DNAJC27: variants seen among roughly 807,000 people sequenced by gnomAD.
DNAJC27 encodes the protein DnaJ heat shock protein family (Hsp40) member C27.
A neutral mutation model predicts 31.4 loss-of-function variants in DNAJC27; 25 were observed. That is an observed-to-expected ratio of 0.80 (90% CI 0.58 to 1.11). The LOEUF is 1.11. DNAJC27 is among the 50% of genes most tolerant of loss of function. The pLI is 0.00. For missense variants in DNAJC27, 356 were observed against 347.3 expected, an observed-to-expected ratio of 1.02 and a Z score of -0.20; for synonymous variants, 106 against 112.7, an observed-to-expected ratio of 0.94 and a Z score of 0.37.
rs1020514553 is a variant in DNAJC27, at chr2:24,945,313, C to T, written c.*2303G>A. On this transcript the variant is annotated 3_prime_UTR_variant, in exon 7 of 7. Coordinates refer to ENST00000264711, the MANE Select transcript of DNAJC27 (RefSeq NM_016544.3). Reference sequence around the variant, plus strand: ...AATGAAGGTGTTGGAAACTGAGTCTCAAGACCTAAGAATCAAGCTCAGGCT... The same window carrying T: ...AATGAAGGTGTTGGAAACTGAGTCTTAAGACCTAAGAATCAAGCTCAGGCT... The T allele has an allele frequency of 7.9e-5, 12 of 152,210 alleles. No homozygotes were observed. Among genetic ancestry groups the T allele is most frequent in the African/African-American group, 2.4e-4 (10 of 41,448 alleles). The allele number at this position is 152,210 out of a possible 1,614,324, so 9.4% of individuals were successfully genotyped here.
At chr2:24,960,241 T>C (rs1171901387) in intron 3 of DNAJC27, among the ~76,000 whole-genome samples, 1 of 152,242 alleles carries the variant, frequency 6.6e-6, no homozygotes, top group Non-Finnish European at 1.5e-5. Flanking sequence ...GTTACTATTT[T>C]AAGTGTTTTG....
rs112695117 is a variant in DNAJC27, at chr2:24,959,820, A to G, written c.241-1846T>C. ...ATGTAATCTCTATGTCCCCTGGAGT[A>G]CCATACTGTTTTGTACTTTCATAGT... On this transcript the variant is annotated intron_variant, in intron 3 of 6. Coordinates refer to ENST00000264711, the MANE Select transcript of DNAJC27 (RefSeq NM_016544.3). 4.2e-3 allele frequency among the ~76,000 whole-genome samples: 633 copies of G among 152,342 alleles called. 9 individuals carry two copies. Among genetic ancestry groups the G allele is most frequent in the African/African-American group, 0.014 (586 of 41,572 alleles).
chr2:24,950,036 T>TC (rs1443539643), intron 6 of DNAJC27, among the ~76,000 whole-genome samples: 2 of 144,388 alleles, frequency 1.4e-5, no homozygotes, highest in Non-Finnish European at 3.0e-5. Flanking sequence ...ATAGGAAGAC[T>TC]CACATTTTCG....
At position 24,945,089 on chromosome 2, in the gene DNAJC27, A is replaced by T. The variant is rs142411584; in HGVS notation, c.*2527T>A. The T allele has an allele frequency of 2.2e-3, 335 of 152,334 alleles. No individual in the cohort carries two copies. The highest frequency in any genetic ancestry group is 7.6e-3 in the African/African-American group (316 of 41,564). The allele number at this position is 152,334 out of a possible 1,614,324, so 9.4% of individuals were successfully genotyped here. A position where few individuals can be genotyped will look rare whatever the true frequency, so the allele number is the denominator to read the frequency against. On this transcript the variant is annotated 3_prime_UTR_variant, in exon 7 of 7. Coordinates refer to ENST00000264711, the MANE Select transcript of DNAJC27 (RefSeq NM_016544.3). ...AGCACACATTTGCACCAAGAATTTAAATTAATGCATAGATGTCTGTGAAAT... is the reference window on the plus strand; with the variant it reads ...AGCACACATTTGCACCAAGAATTTATATTAATGCATAGATGTCTGTGAAAT...
chr2:24,971,959 C>T (rs1666356798), upstream of DNAJC27: 18 of 1,370,140 alleles, frequency 1.3e-5, no homozygotes, highest in South Asian at 2.1e-4. Context: ...CACCGCTGGC[C>T]CGTCCCTCAG....
At chr2:24,971,707 C>CG in intron 1 of DNAJC27, 111 bp downstream of exon 1, 2 of 929,340 alleles carry the variant, frequency 2.2e-6, no homozygotes, top group Admixed American at 2.8e-5. Context: ...CGGGCCTGCT[C>CG]GGGGGCGGAG....
At chr2:24,959,246 A>T (rs1306408813) in intron 3 of DNAJC27, among the ~76,000 whole-genome samples, 2 of 151,508 alleles carry the variant, frequency 1.3e-5, no homozygotes, top group African/African-American at 4.9e-5. Context: ...TCTTTCACCA[A>T]CTCCCCTTCT....
chr2:24,966,209 G>T (rs566327993), intron 2 of DNAJC27, among the ~76,000 whole-genome samples: 2 of 152,182 alleles, frequency 1.3e-5, no homozygotes, highest in African/African-American at 2.4e-5. Flanking sequence ...TGCTGAGGTA[G>T]AAAGTCTGAG....
At chr2:24,971,578 C>A in intron 1 of DNAJC27, 1 of 418,032 alleles carries the variant, frequency 2.4e-6, no homozygotes, top group Non-Finnish European at 4.4e-6. Flanking sequence ...ACATTCAAGG[C>A]TTAGAGGCCA....
chr2:24,965,177 G>A (rs958459183), intron 2 of DNAJC27, among the ~76,000 whole-genome samples: 7 of 151,644 alleles, frequency 4.6e-5, no homozygotes, highest in South Asian at 4.2e-4. Flanking sequence ...AGCCAAGATC[G>A]CGCCACTGCA....
At chr2:24,960,898 T>G (rs574940859) in intron 3 of DNAJC27, among the ~76,000 whole-genome samples, 1 of 152,272 alleles carries the variant, frequency 6.6e-6, no homozygotes, top group South Asian at 2.1e-4. Context: ...GATGTAGTGC[T>G]GCAAGTTATT....
chr2:24,951,123 G>A (rs1665764749), intron 6 of DNAJC27, among the ~76,000 whole-genome samples: 1 of 152,162 alleles, frequency 6.6e-6, no homozygotes. Flanking sequence ...TCTTTTCAAA[G>A]CTCTTCTTGT....
Position 24,947,581 on chromosome 2 carries a change from A to G in DNAJC27, c.*35T>C, listed in dbSNP as rs1377464285. The G allele has an allele frequency of 8.3e-6, 13 of 1,566,528 alleles. No individual in the cohort carries two copies. The highest frequency in any genetic ancestry group is 1.0e-5 in the Non-Finnish European group (12 of 1,146,444). Reference sequence around the variant, plus strand: ...TCACCTCTAGGGAAAGTCTGTTTGCATTTGAGTCCCACATGTGGCTTTTTT... The same window carrying G: ...TCACCTCTAGGGAAAGTCTGTTTGCGTTTGAGTCCCACATGTGGCTTTTTT... On this transcript the variant is annotated 3_prime_UTR_variant, in exon 7 of 7. Coordinates refer to ENST00000264711, the MANE Select transcript of DNAJC27 (RefSeq NM_016544.3).
rs1306171309 is a variant in DNAJC27 at position 24,947,049 on chromosome 2, T to A, written c.*567A>T. 6.6e-6 allele frequency: 1 copy of A among 152,302 alleles called. No homozygotes were observed. Among genetic ancestry groups the A allele is most frequent in the African/African-American group, 2.4e-5 (1 of 41,428 alleles). The allele number at this position is 152,302 out of a possible 1,614,324, so 9.4% of individuals were successfully genotyped here. On this transcript the variant is annotated 3_prime_UTR_variant, in exon 7 of 7. Transcript: ENST00000264711. Reference sequence around the variant, plus strand: ...GTGAATATCATAAAGGAATGCTCAATTCAGAACTGTATCACCTCATTTTAC... The same window carrying A: ...GTGAATATCATAAAGGAATGCTCAAATCAGAACTGTATCACCTCATTTTAC...
At chr2:24,947,825 T>C (rs1025784567) in intron 6 of DNAJC27, 77 bp from the exon 7 acceptor site, 3 of 1,507,848 alleles carry the variant, frequency 2.0e-6, no homozygotes, top group East Asian at 2.3e-5. Context: ...TGGACACACA[T>C]AGTATCTCTT....
chr2:24,967,412 CA>C, intron 1 of DNAJC27, 119 bp from the exon 2 acceptor site: 1 of 837,928 alleles, frequency 1.2e-6, no homozygotes, highest in Non-Finnish European at 1.9e-6. Context: ...TTTCAAAAGA[CA>C]AAAGTGGCGG....
chr2:24,967,315 G>A (rs1371072808), intron 1 of DNAJC27, 22 bp from the exon 2 acceptor site: 1 of 1,494,872 alleles, frequency 6.7e-7, no homozygotes, highest in Non-Finnish European at 9.3e-7. Context: ...AAAAATACAG[G>A]CATTTAGTAA....
chr2:24,950,903 C>G (rs974321505), intron 6 of DNAJC27, among the ~76,000 whole-genome samples: 1 of 151,754 alleles, frequency 6.6e-6, no homozygotes, highest in Non-Finnish European at 1.5e-5. Flanking sequence ...GAGGAACTTG[C>G]AGGGCTTTAG....
At chr2:24,950,018 G>GA (rs534065575) in intron 6 of DNAJC27, among the ~76,000 whole-genome samples, 2 of 126,732 alleles carry the variant, frequency 1.6e-5, no homozygotes, top group Non-Finnish European at 1.6e-5. Context: ...AAATAATCTT[G>GA]AAAAAAAATA....
Sources: gnomAD v4.1 joint callset for allele counts (sites outside exome capture counted in the v4.1 genomes callset) on GRCh38, gnomAD v4.1.1 for gene constraint, MANE v1.5 for transcripts, NCBI Gene and HGNC (gene_info 2026-07-23, HGNC 2026-07-21) for gene names.